NOS1: variants seen among roughly 807,000 people sequenced by gnomAD.
NOS1 encodes nitric oxide synthase 1.
Under a neutral mutation model 164.5 loss-of-function variants are expected in NOS1, and 51 were observed. The ratio of observed to expected loss-of-function variants is 0.31; its 90% CI spans 0.25 to 0.39. NOS1 has a LOEUF of 0.39. NOS1 is among the 10% of genes least tolerant of loss of function. The pLI, the probability that NOS1 is intolerant of heterozygous loss-of-function variation, is 1.00. For missense variants in NOS1, 1,362 were observed against 1,885.6 expected (o/e 0.72, Z 5.14); for synonymous variants, 719 against 745.8 (o/e 0.96, Z 0.59).
chr12:117,217,609 G>A (rs1336207810), intron 28 of NOS1, among the ~76,000 whole-genome samples: 2 of 152,012 alleles, frequency 1.3e-5, no homozygotes, highest in East Asian at 3.9e-4. Context: ...GGAGGCTGAG[G>A]CACGAGAATT....
intron 1 of NOS1, among the ~76,000 whole-genome samples, chr12:117,352,497 C>G (rs1166490942): frequency 6.6e-6 from 1 of 152,186 alleles, no homozygotes; most frequent in Non-Finnish European, 1.5e-5. Flanking sequence ...GAACTGTCGC[C>G]TGCTCACTGC....
At chr12:117,297,567 G>T (rs9658321) in intron 3 of NOS1, among the ~76,000 whole-genome samples, 5,813 of 152,084 alleles carry the variant, frequency 0.038, 394 homozygotes, top group African/African-American at 0.13. Context: ...AATTTTTGTA[G>T]TTTTAGTGGA....
At chr12:117,297,446 C>T (rs982321756) in intron 3 of NOS1, among the ~76,000 whole-genome samples, 38 of 151,948 alleles carry the variant, frequency 2.5e-4, no homozygotes, top group African/African-American at 8.9e-4. Flanking sequence ...GGCTGGAGTG[C>T]AATGGTGCGA....
chr12:117,329,145 T>C (rs969840192), intron 2 of NOS1, among the ~76,000 whole-genome samples: 1 of 152,196 alleles, frequency 6.6e-6, no homozygotes, highest in Non-Finnish European at 1.5e-5. Context: ...TACATATTTA[T>C]ATATTTATCT....
rs9658493 is a variant in NOS1, at chr12:117,232,222, G to A, written c.3236-91C>T. The A allele has an allele frequency of 2.9e-4, 349 of 1,208,930 alleles. 1 individual carries two copies. The South Asian group carries it at 4.6e-3, about 16-fold the overall frequency. The allele number at this position is 1,208,930 out of a possible 1,614,324, so 74.9% of individuals were successfully genotyped here. ...GTCTGCTCCTGGAGCAGAGGATGGG[G>A]CCAGGAGAGGAGGGTGGCTCCAGAG... On this transcript the variant is annotated intron_variant, in intron 21 of 28. Transcript: ENST00000317775.
chr12:117,255,901 G>A (rs761190221), intron 16 of NOS1: 11 of 1,364,932 alleles, frequency 8.1e-6, no homozygotes, highest in South Asian at 3.2e-5. Flanking sequence ...GCATACACTC[G>A]CACACACCTG....
intron 2 of NOS1, among the ~76,000 whole-genome samples, chr12:117,326,625 C>T (rs1299216633): frequency 6.6e-6 from 1 of 152,154 alleles, no homozygotes; most frequent in African/African-American, 2.4e-5. Flanking sequence ...TCATCACGGT[C>T]ACAGTTGAGA....
rs1180592139 is a variant in NOS1 at position 117,312,789 on chromosome 12, G to GTCACA, written c.726-1202_726-1198dup. ...AGACAGAGAAGCTAAGTTGCTCAAG[G>GTCACA]TCACACAGTGGCAAAGCCTAGTATT... On this transcript the variant is annotated intron_variant, in intron 2 of 28. Coordinates refer to ENST00000317775, the MANE Select transcript of NOS1 (RefSeq NM_000620.5). Among the ~76,000 whole-genome samples, 3 of 151,994 alleles carry GTCACA rather than the reference G, an allele frequency of 2.0e-5. No homozygotes were observed. The East Asian group carries it at 5.8e-4, about 29-fold the overall frequency.
At chr12:117,329,518 T>G (rs1875421972) in intron 2 of NOS1, among the ~76,000 whole-genome samples, 1 of 152,072 alleles carries the variant, frequency 6.6e-6, no homozygotes, top group Non-Finnish European at 1.5e-5. Context: ...GTGCCAGACC[T>G]AAGATGCAAA....
intron 22 of NOS1, among the ~76,000 whole-genome samples, chr12:117,231,698 A>C (rs1182441629): frequency 6.6e-6 from 1 of 152,244 alleles, no homozygotes; most frequent in Non-Finnish European, 1.5e-5. Flanking sequence ...AGGTTCCAGA[A>C]GAAGACAGAA....
At chr12:117,224,631 C>G (rs1868491674) in intron 25 of NOS1, among the ~76,000 whole-genome samples, 1 of 152,204 alleles carries the variant, frequency 6.6e-6, no homozygotes, top group South Asian at 2.1e-4. Flanking sequence ...TTCTTTCTCT[C>G]TCTCTCCTCC....
At chr12:117,241,018 C>A (rs963865919) in intron 20 of NOS1, among the ~76,000 whole-genome samples, 4 of 151,248 alleles carry the variant, frequency 2.6e-5, no homozygotes, top group Non-Finnish European at 4.4e-5. Flanking sequence ...TGGCTCACTG[C>A]AGCCTCCGCC....
rs367578043 is a variant in NOS1, at chr12:117,260,453, C to A, written c.2367+12G>T. On this transcript the variant is annotated intron_variant, in intron 14 of 28. Transcript: ENST00000317775. ...TGAGAAGCTGGTGGAGCTAGGGCTA[C>A]CCCCCACCTACCTTGGCATCAAAGG... 7.3e-5 allele frequency: 117 copies of A among 1,611,598 alleles called. 1 individual carries two copies. The East Asian group carries it at 1.0e-3, about 14-fold the overall frequency.
At chr12:117,345,875 A>C (rs919211064) in intron 1 of NOS1, among the ~76,000 whole-genome samples, 14 of 152,220 alleles carry the variant, frequency 9.2e-5, no homozygotes, top group African/African-American at 2.7e-4. Context: ...ACAAACAAAA[A>C]AACAACCACC....
intron 19 of NOS1, 60 bp from the exon 20 acceptor site, chr12:117,242,765 C>T: frequency 4.6e-6 from 7 of 1,508,966 alleles, no homozygotes; most frequent in South Asian, 1.1e-5. Context: ...TTAAAAACTC[C>T]CCAGGTGGGG....
intron 1 of NOS1, among the ~76,000 whole-genome samples, chr12:117,355,294 T>G (rs1415637647): frequency 6.6e-6 from 1 of 152,226 alleles, no homozygotes; most frequent in African/African-American, 2.4e-5. Context: ...AGGACTTCTG[T>G]ATTTTCCACC....
chr12:117,217,114 G>A (rs924767357), intron 28 of NOS1, among the ~76,000 whole-genome samples: 1 of 152,116 alleles, frequency 6.6e-6, no homozygotes. Flanking sequence ...CAGTCTTCTG[G>A]TGCCTCAGCC....
Position 117,305,336 on chromosome 12 carries a change from C to T in NOS1, c.852+6130G>A, listed in dbSNP as rs12422515. Among the ~76,000 whole-genome samples the T allele has an allele frequency of 9.3e-4, 141 of 152,068 alleles. 1 individual carries two copies. Among genetic ancestry groups the T allele is most frequent in the Middle Eastern group, 6.8e-3 (2 of 294 alleles). ...AAAATTAGCCGGACGTGGTGGTGGGCGCCTGTAGTCCCAGCTACTCGGGAG... is the reference window on the plus strand; with the variant it reads ...AAAATTAGCCGGACGTGGTGGTGGGTGCCTGTAGTCCCAGCTACTCGGGAG... On this transcript the variant is annotated intron_variant, in intron 3 of 28. Transcript: ENST00000317775.
intron 1 of NOS1, among the ~76,000 whole-genome samples, chr12:117,354,136 T>C (rs1876755370): frequency 6.6e-6 from 1 of 152,190 alleles, no homozygotes; most frequent in African/African-American, 2.4e-5. Flanking sequence ...GAAAGAGATA[T>C]CATGCTTTCT....
Sources: allele counts gnomAD v4.1 joint callset (sites outside exome capture counted in the v4.1 genomes callset), GRCh38; gene constraint gnomAD v4.1.1; transcripts MANE v1.5; gene names NCBI Gene and HGNC (gene_info 2026-07-23, HGNC 2026-07-21).